GDPD1: variants seen among roughly 807,000 people sequenced by gnomAD.
GDPD1 encodes the protein glycerophosphodiester phosphodiesterase domain containing 1.
A neutral mutation model predicts 45.1 loss-of-function variants in GDPD1; 28 were observed. The ratio of observed to expected loss-of-function variants is 0.62; its 90% confidence interval spans 0.46 to 0.85. The LOEUF (loss-of-function observed/expected upper bound fraction) is 0.85. Among genes scored for constraint, GDPD1 ranks in the 40% least tolerant of loss-of-function variants. The pLI is 0.00. For synonymous variants in GDPD1, 139 were observed against 131.4 expected, an observed-to-expected ratio of 1.06 and a Z score of -0.40; for missense variants, 256 against 364.8, an observed-to-expected ratio of 0.70 and a Z score of 2.43.
intron 7 of GDPD1, among the ~76,000 whole-genome samples, chr17:59,268,523 G>A (rs999807018): frequency 1.4e-4 from 20 of 146,816 alleles, no homozygotes; most frequent in African/African-American, 4.3e-4. Context: ...AGCTTGCAGT[G>A]AGCGGAGATT....
At chr17:59,221,393 G>A (rs569107088) in intron 1 of GDPD1, among the ~76,000 whole-genome samples, 1 of 150,958 alleles carries the variant, frequency 6.6e-6, no homozygotes, top group Non-Finnish European at 1.5e-5. Flanking sequence ...ACAGCGTCCT[G>A]GTCCTCAGGG....
chr17:59,264,925 C>A (rs2047386926), intron 6 of GDPD1, among the ~76,000 whole-genome samples: 1 of 152,032 alleles, frequency 6.6e-6, no homozygotes, highest in African/African-American at 2.4e-5. Context: ...ACTGCAAGCT[C>A]CACCTCCTGG....
chr17:59,255,878 C>CACATATATATATATAT (rs1798719459), intron 4 of GDPD1, among the ~76,000 whole-genome samples: 4 of 125,468 alleles, frequency 3.2e-5, no homozygotes, highest in African/African-American at 1.4e-4. Flanking sequence ...TATATATACA[C>CACATATATATATATAT]ACACACACAC....
At chr17:59,273,140 T>C (rs1314765845) in intron 9 of GDPD1, 1 of 188,258 alleles carries the variant, frequency 5.3e-6, no homozygotes, top group Non-Finnish European at 1.0e-5. Context: ...TTTCTTTTTT[T>C]TTTTTGAGAT....
At chr17:59,233,372 C>T (rs2047106104) in intron 1 of GDPD1, among the ~76,000 whole-genome samples, 1 of 151,730 alleles carries the variant, frequency 6.6e-6, no homozygotes, top group Non-Finnish European at 1.5e-5. Context: ...ATTAGCCGGG[C>T]GTGGTGGTGG....
intron 6 of GDPD1, among the ~76,000 whole-genome samples, chr17:59,261,602 T>C (rs1424831665): frequency 6.6e-6 from 1 of 151,798 alleles, no homozygotes; most frequent in Non-Finnish European, 1.5e-5. Context: ...GTTCAGATGG[T>C]CTCCTGCCTC....
rs1048970646 is a variant in GDPD1, at chr17:59,220,512, A to T, written c.-98A>T. ...GCACCAGTGGCACCGGCTGGGGGCG[A>T]GCCGACCTCGAGCAGCCGCCGCCGC... On this transcript the variant is annotated 5_prime_UTR_variant, in exon 1 of 10. Coordinates refer to ENST00000284116, the MANE Select transcript of GDPD1 (RefSeq NM_182569.4). The T allele has an allele frequency of 1.6e-4, 218 of 1,353,366 alleles. No homozygotes were observed. The highest frequency in any genetic ancestry group is 2.2e-4 in the Non-Finnish European group (216 of 975,662). The allele number at this position is 1,353,366 out of a possible 1,614,324, so 83.8% of individuals were successfully genotyped here.
intron 1 of GDPD1, among the ~76,000 whole-genome samples, chr17:59,221,314 C>T (rs1309115065): frequency 1.3e-5 from 2 of 151,880 alleles, no homozygotes; most frequent in Non-Finnish European, 2.9e-5. Context: ...AGAGGGAAAC[C>T]GAGTCCCCCG....
intron 4 of GDPD1, among the ~76,000 whole-genome samples, chr17:59,250,858 C>T (rs1187495123): frequency 1.3e-5 from 2 of 152,034 alleles, no homozygotes; most frequent in African/African-American, 2.4e-5. Flanking sequence ...CGCCACCATA[C>T]CCGACTAATT....
In GDPD1 at chr17:59,255,857, G is replaced by GTATA. The variant is rs752195481; in HGVS notation, c.368-1250_368-1247dup. On this transcript the variant is annotated intron_variant, in intron 4 of 9. Transcript: ENST00000284116. ...TATATATATATATATATATACACAC[G>GTATA]TATATATATATATATATACACACAC... Among the ~76,000 whole-genome samples, 23 of 40,886 alleles carry GTATA rather than the reference G, an allele frequency of 5.6e-4. 1 individual carries two copies. Among genetic ancestry groups the GTATA allele is most frequent in the South Asian group, 4.9e-3 (5 of 1,022 alleles). The allele number at this position is 40,886 out of a possible 152,430, so 26.8% of individuals were successfully genotyped here. A position where few individuals can be genotyped will look rare whatever the true frequency, so the allele number is the denominator to read the frequency against.
intron 7 of GDPD1, among the ~76,000 whole-genome samples, chr17:59,269,099 C>A (rs1297993431): frequency 6.6e-6 from 1 of 152,002 alleles, no homozygotes; most frequent in Non-Finnish European, 1.5e-5. Flanking sequence ...GAGTTCAACA[C>A]CAGCCTAGCC....
chr17:59,269,597 C>A (rs953061530), intron 7 of GDPD1, among the ~76,000 whole-genome samples: 1 of 151,492 alleles, frequency 6.6e-6, no homozygotes, highest in Non-Finnish European at 1.5e-5. Context: ...CAGAGGCAGG[C>A]GGATCACCTG....
chr17:59,257,072 A>G, intron 4 of GDPD1, 50 bp from the exon 5 acceptor site: 1 of 956,370 alleles, frequency 1.0e-6, no homozygotes, highest in Non-Finnish European at 1.6e-6. Flanking sequence ...TAGTCATCAA[A>G]AAGTAAAACT....
chr17:59,222,111 C>T (rs1326732113), intron 1 of GDPD1, among the ~76,000 whole-genome samples: 1 of 152,130 alleles, frequency 6.6e-6, no homozygotes, highest in Non-Finnish European at 1.5e-5. Flanking sequence ...TACTAAGGTG[C>T]CTTCAACCAT....
chr17:59,265,666 G>A (rs1188767015), intron 6 of GDPD1, among the ~76,000 whole-genome samples: 1 of 151,928 alleles, frequency 6.6e-6, no homozygotes, highest in Non-Finnish European at 1.5e-5. Flanking sequence ...GAGAGGCTGA[G>A]GCAGGTGGAT....
At chr17:59,260,105 A>G (rs1322889393) in intron 6 of GDPD1, among the ~76,000 whole-genome samples, 2 of 138,196 alleles carry the variant, frequency 1.4e-5, no homozygotes, top group Non-Finnish European at 3.1e-5. Context: ...AAAAAATCCT[A>G]TTATCTATAG....
intron 1 of GDPD1, among the ~76,000 whole-genome samples, chr17:59,231,548 A>G (rs1038375435): frequency 1.3e-5 from 2 of 151,620 alleles, no homozygotes; most frequent in African/African-American, 4.8e-5. Context: ...GGATGGTCTC[A>G]ATCTCTAGAC....
At chr17:59,248,145 C>T (rs927651788) in intron 3 of GDPD1, among the ~76,000 whole-genome samples, 5 of 151,714 alleles carry the variant, frequency 3.3e-5, no homozygotes, top group African/African-American at 1.2e-4. Context: ...TGCCTATAGT[C>T]CCAGTGCTTT....
intron 1 of GDPD1, among the ~76,000 whole-genome samples, chr17:59,224,611 C>G (rs1279737845): frequency 7.2e-6 from 1 of 138,854 alleles, no homozygotes; most frequent in Admixed American, 7.6e-5. Context: ...GGCGACAGGG[C>G]GAGACTCCAT....
Sources: gnomAD v4.1 joint callset for allele counts (sites outside exome capture counted in the v4.1 genomes callset) on GRCh38, gnomAD v4.1.1 for gene constraint, MANE v1.5 for transcripts, NCBI Gene and HGNC (gene_info 2026-07-23, HGNC 2026-07-21) for gene names.